The following NSG2 variants were observed in gnomAD, a reference collection of about 807,000 sequenced individuals.
The protein encoded by NSG2 is neuronal vesicle trafficking associated 2, also known as neuronal vesicle trafficking-associated protein 2.
Under a neutral mutation model 16.9 loss-of-function variants are expected in NSG2, and 4 were observed. That is an observed-to-expected ratio of 0.24 (90% CI 0.12 to 0.54). The LOEUF (loss-of-function observed/expected upper bound fraction) is 0.54, where lower values mean the gene tolerates loss of function less well. Among genes scored for constraint, NSG2 ranks in the 20% least tolerant of loss-of-function variants. NSG2 has a pLI of 0.95. For synonymous variants in NSG2, 98 were observed against 88.7 expected (o/e 1.11, Z -0.59); for missense variants, 179 against 221.1 (o/e 0.81, Z 1.21).
At chr5:174,099,260 T>C (rs934254969) in intron 3 of NSG2, among the ~76,000 whole-genome samples, 20 of 152,142 alleles carry the variant, frequency 1.3e-4, no homozygotes, top group Non-Finnish European at 2.5e-4. Context: ...CCAGCAACCA[T>C]TGACAACTGC....
chr5:174,103,460 G>A (rs1394281546), intron 3 of NSG2, among the ~76,000 whole-genome samples: 2 of 152,110 alleles, frequency 1.3e-5, no homozygotes, highest in Non-Finnish European at 2.9e-5. Context: ...TTGGGAATGT[G>A]TTGAAAGTGT....
chr5:174,085,281 A>T (rs1380709197), intron 3 of NSG2, among the ~76,000 whole-genome samples: 1 of 152,264 alleles, frequency 6.6e-6, no homozygotes, highest in African/African-American at 2.4e-5. Context: ...GGAGATGCAG[A>T]TAAGGAGACT....
At chr5:174,101,197 A>G (rs892191508) in intron 3 of NSG2, among the ~76,000 whole-genome samples, 1 of 152,356 alleles carries the variant, frequency 6.6e-6, no homozygotes, top group South Asian at 2.1e-4. Context: ...TCCCTTTAAC[A>G]GAAAGGGTCA....
intron 3 of NSG2, among the ~76,000 whole-genome samples, chr5:174,071,262 G>A (rs1342615586): frequency 6.6e-6 from 1 of 152,200 alleles, no homozygotes; most frequent in Non-Finnish European, 1.5e-5. Context: ...GCCAAGGTGG[G>A]TGGATCACGA....
rs551126331 is a variant in NSG2, at chr5:174,057,829, C to T, written c.130-6403C>T. On this transcript the variant is annotated intron_variant, in intron 2 of 4. Coordinates refer to ENST00000303177, the MANE Select transcript of NSG2 (RefSeq NM_015980.5). ...CCTCAGGTGCTGGCCTCCCGGATGT[C>T]TTCTGAAGGTTTGCTGGTATTGTCT... Among the ~76,000 whole-genome samples the T allele has an allele frequency of 5.3e-5, 8 of 152,272 alleles. No homozygotes were observed. The South Asian group carries it at 8.3e-4, about 16-fold the overall frequency.
rs201768305 is a variant in NSG2, at chr5:174,107,525, T to TGG, written c.*25_*26dup. 1 of 1,436,892 alleles carries TGG rather than the reference T, an allele frequency of 7.0e-7. No individual in the cohort carries two copies. Among genetic ancestry groups the TGG allele is most frequent in the Non-Finnish European group, 9.3e-7 (1 of 1,071,046 alleles). The allele number at this position is 1,436,892 out of a possible 1,614,324, so 89.0% of individuals were successfully genotyped here. On this transcript the variant is annotated 3_prime_UTR_variant, in exon 5 of 5. Transcript: ENST00000303177. This position sits in a 1 kb window ranked among gnomAD's most constrained non-coding sequence, Gnocchi z 4.5. ...CACTAGAGGCCTGCCCCAGCCAGAA[T>TGG]GGGGGGCGGGGTGGAGAGGAGGACC... is the stretch of plus-strand genomic sequence containing the variant.
chr5:174,103,843 A>G (rs1760937150), intron 3 of NSG2, among the ~76,000 whole-genome samples: 1 of 152,152 alleles, frequency 6.6e-6, no homozygotes, highest in African/African-American at 2.4e-5. Context: ...GGGTACCTGT[A>G]ATCCCAGCTA....
intron 2 of NSG2, among the ~76,000 whole-genome samples, chr5:174,055,193 C>G (rs1220419689): frequency 1.3e-5 from 2 of 152,140 alleles, no homozygotes; most frequent in African/African-American, 4.8e-5. Context: ...TGTAATGATT[C>G]CAGCCTAGGC....
intron 2 of NSG2, among the ~76,000 whole-genome samples, chr5:174,057,480 G>T (rs1759983363): frequency 6.8e-6 from 1 of 146,996 alleles, no homozygotes; most frequent in Non-Finnish European, 1.5e-5. Flanking sequence ...TACTCCACAG[G>T]AACAAAACAC....
chr5:174,100,768 G>C (rs941489941), intron 3 of NSG2, among the ~76,000 whole-genome samples: 3 of 152,236 alleles, frequency 2.0e-5, no homozygotes, highest in Non-Finnish European at 2.9e-5. Context: ...AGCTCACCCT[G>C]TAAAGGGAAC....
chr5:174,047,860 G>A (rs533851159), intron 2 of NSG2, among the ~76,000 whole-genome samples: 1 of 152,326 alleles, frequency 6.6e-6, no homozygotes, highest in African/African-American at 2.4e-5. Context: ...GAGACTTGGA[G>A]GCCAATGATG....
intron 3 of NSG2, among the ~76,000 whole-genome samples, chr5:174,065,990 T>C (rs1760132276): frequency 6.6e-6 from 1 of 152,214 alleles, no homozygotes; most frequent in Non-Finnish European, 1.5e-5. Context: ...TGGTTGGTTA[T>C]CTGGGAATTG....
At chr5:174,104,474 G>T in intron 4 of NSG2, 136 bp downstream of exon 4, 1 of 647,862 alleles carries the variant, frequency 1.5e-6, no homozygotes. Context: ...TATGTGTTTG[G>T]CAAGGAGTTT....
chr5:174,086,065 CAT>C (rs1328583272), intron 3 of NSG2, among the ~76,000 whole-genome samples: 1 of 152,098 alleles, frequency 6.6e-6, no homozygotes, highest in Admixed American at 6.6e-5. Flanking sequence ...TTTGTGGACA[CAT>C]GTTTCAGACC....
intron 3 of NSG2, among the ~76,000 whole-genome samples, chr5:174,067,334 CCTGGCGGCCTCT>C (rs1378465379): frequency 6.8e-6 from 1 of 147,548 alleles, no homozygotes; most frequent in Non-Finnish European, 1.5e-5. Context: ...AGAGCCAGGG[CCTGGCGGCCTCT>C]CTGCTCAGCC....
rs1270812952 is a variant in NSG2 at position 174,046,739 on chromosome 5, G to C, written c.-17G>C. ...AATCCCACTGCTTGCCTTAGGTCTG[G>C]GAAGAAAGGCGTAAGGATGGTGAAG... On this transcript the variant is annotated 5_prime_UTR_variant, in exon 2 of 5. Transcript: ENST00000303177. 7 of 1,613,830 alleles carry C rather than the reference G, an allele frequency of 4.3e-6. No individual in the cohort carries two copies. The highest frequency in any genetic ancestry group is 5.9e-6 in the Non-Finnish European group (7 of 1,179,964).
intron 2 of NSG2, among the ~76,000 whole-genome samples, chr5:174,050,625 G>T (rs912933278): frequency 1.3e-5 from 2 of 152,068 alleles, no homozygotes; most frequent in Non-Finnish European, 2.9e-5. Flanking sequence ...TCAGTAAGAA[G>T]TCTCTCATTC....
At chr5:174,060,991 G>A (rs1479784390) in intron 2 of NSG2, among the ~76,000 whole-genome samples, 5 of 152,148 alleles carry the variant, frequency 3.3e-5, no homozygotes, top group Non-Finnish European at 7.3e-5. Flanking sequence ...TACAGCACAT[G>A]AACACCATGG....
At chr5:174,091,028 CCTT>C (rs1311270973) in intron 3 of NSG2, among the ~76,000 whole-genome samples, 2 of 150,028 alleles carry the variant, frequency 1.3e-5, no homozygotes, top group Non-Finnish European at 2.9e-5. Context: ...TCTTCCTTCC[CCTT>C]CTTCTTCCTT....
Sources: allele counts gnomAD v4.1 joint callset (sites outside exome capture counted in the v4.1 genomes callset), GRCh38; gene constraint gnomAD v4.1.1; non-coding constraint Gnocchi (gnomAD v3.1); transcripts MANE v1.5; gene names NCBI Gene and HGNC (gene_info 2026-07-23, HGNC 2026-07-21).